The following COL5A2 variants were observed in gnomAD, a reference collection of about 807,000 sequenced individuals.
COL5A2 encodes collagen type V alpha 2 chain.
A neutral mutation model predicts 208.2 loss-of-function variants in COL5A2; 23 were observed. The ratio of observed to expected loss-of-function variants is 0.11; its 90% CI spans 0.08 to 0.16. The LOEUF (loss-of-function observed/expected upper bound fraction) is 0.16, where lower values mean the gene tolerates loss of function less well. Among genes scored for constraint, COL5A2 ranks in the 10% least tolerant of loss-of-function variants. The pLI, the probability that COL5A2 is intolerant of heterozygous loss-of-function variation, is 1.00. For synonymous variants in COL5A2, 625 were observed against 628.5 expected, an observed-to-expected ratio of 0.99 and a Z score of 0.08; for missense variants, 1,590 against 1,956.4, an observed-to-expected ratio of 0.81 and a Z score of 3.53.
chr2:189,106,699 A>G (rs375591357), intron 2 of COL5A2, among the ~76,000 whole-genome samples: 2 of 150,240 alleles, frequency 1.3e-5, no homozygotes, highest in East Asian at 3.9e-4. Flanking sequence ...TGCTTTTAGT[A>G]TTAAGCATAA....
chr2:189,231,158 G>T, the COL5A2 span, among the ~76,000 whole-genome samples: 3 of 149,600 alleles, frequency 2.0e-5, no homozygotes, highest in Non-Finnish European at 4.5e-5. Flanking sequence ...AATGGTGGTT[G>T]CCAGGAGCTA....
At chr2:189,076,204 T>C (rs1486372026) in intron 16 of COL5A2, among the ~76,000 whole-genome samples, 3 of 152,182 alleles carry the variant, frequency 2.0e-5, no homozygotes, top group Admixed American at 6.5e-5. Flanking sequence ...CTGTACTGTA[T>C]ACAAGTCACT....
At chr2:189,085,808 GA>G in intron 9 of COL5A2, 36 bp from the exon 10 acceptor site, 2 of 1,523,354 alleles carry the variant, frequency 1.3e-6, no homozygotes, top group Non-Finnish European at 1.8e-6. Context: ...ACAAACCAAG[GA>G]AAAATAGAAT....
At chr2:189,363,021 G>A in the COL5A2 span, among the ~76,000 whole-genome samples, 3 of 152,048 alleles carry the variant, frequency 2.0e-5, no homozygotes, top group South Asian at 6.2e-4. Flanking sequence ...GACACAAACA[G>A]AAATACAGAA....
chr2:189,157,985 A>C (rs1688287496), intron 1 of COL5A2, among the ~76,000 whole-genome samples: 1 of 151,948 alleles, frequency 6.6e-6, no homozygotes, highest in Admixed American at 6.6e-5. Flanking sequence ...GAAGGTAGAG[A>C]CTGTGTCTTA....
chr2:189,178,983 G>A (rs1688733914), intron 1 of COL5A2, among the ~76,000 whole-genome samples: 1 of 152,062 alleles, frequency 6.6e-6, no homozygotes, highest in Non-Finnish European at 1.5e-5. Flanking sequence ...GTAAAAAGAA[G>A]TTTAAATTGT....
At chr2:189,042,842 G>C (rs527554829) in intron 48 of COL5A2, 69 bp from the exon 49 acceptor site, 1 of 1,442,076 alleles carries the variant, frequency 6.9e-7, no homozygotes, top group African/African-American at 1.4e-5. Context: ...TCTCAAAAAT[G>C]TGCTATCATT....
the COL5A2 span, among the ~76,000 whole-genome samples, chr2:189,430,588 C>T: frequency 1.3e-5 from 2 of 152,248 alleles, no homozygotes; most frequent in Non-Finnish European, 2.9e-5. Flanking sequence ...GCATTGCTCA[C>T]TGCTAGTGCA....
the COL5A2 span, among the ~76,000 whole-genome samples, chr2:189,404,329 G>T: frequency 2.0e-5 from 3 of 152,124 alleles, no homozygotes; most frequent in African/African-American, 7.2e-5. Flanking sequence ...AAAGGCAAAG[G>T]AAAAGCAAAT....
At chr2:189,417,355 T>C in the COL5A2 span, among the ~76,000 whole-genome samples, 4 of 152,146 alleles carry the variant, frequency 2.6e-5, no homozygotes, top group East Asian at 1.9e-4. Context: ...AATTATTCCA[T>C]TTTAATGATA....
chr2:189,353,413 T>G, the COL5A2 span, among the ~76,000 whole-genome samples: 3 of 152,240 alleles, frequency 2.0e-5, no homozygotes, highest in Non-Finnish European at 4.4e-5. Context: ...TGATTCTTCC[T>G]ATCCATGAGC....
chr2:189,054,462 T>C (rs971433716), intron 35 of COL5A2, among the ~76,000 whole-genome samples: 1 of 152,198 alleles, frequency 6.6e-6, no homozygotes, highest in African/African-American at 2.4e-5. Context: ...CATGCATACA[T>C]AAAACTGTTT....
intron 2 of COL5A2, among the ~76,000 whole-genome samples, chr2:189,107,753 G>T (rs1274591787): frequency 6.6e-6 from 1 of 151,402 alleles, no homozygotes; most frequent in African/African-American, 2.4e-5. Context: ...TGTTTAAAAA[G>T]ATTTATATAT....
the COL5A2 span, among the ~76,000 whole-genome samples, chr2:189,344,815 A>C: frequency 6.6e-6 from 1 of 152,232 alleles, no homozygotes; most frequent in Admixed American, 6.5e-5. Context: ...AGAGAGACCA[A>C]GACTCACCTC....
chr2:189,096,001 A>T (rs768500862), intron 6 of COL5A2: 6 of 152,206 alleles, frequency 3.9e-5, no homozygotes, highest in Non-Finnish European at 7.3e-5. Flanking sequence ...GCCTGCAAGT[A>T]ACATCCATAG....
At chr2:189,416,000 T>C in the COL5A2 span, among the ~76,000 whole-genome samples, 359 of 152,326 alleles carry the variant, frequency 2.4e-3, no homozygotes, top group African/African-American at 8.3e-3. Context: ...TAACTGTTTG[T>C]TCCTTTGAAA....
the COL5A2 span, among the ~76,000 whole-genome samples, chr2:189,400,112 G>T: frequency 2.6e-5 from 4 of 152,056 alleles, no homozygotes; most frequent in South Asian, 6.3e-4. Context: ...GATTGGTTTG[G>T]TTTTTTGCTA....
intron 16 of COL5A2, among the ~76,000 whole-genome samples, chr2:189,076,327 G>C (rs147018269): frequency 6.6e-6 from 1 of 152,238 alleles, no homozygotes; most frequent in African/African-American, 2.4e-5. Flanking sequence ...ATTTCCCACT[G>C]GTCAGCTGGT....
At chr2:189,336,729 A>C in the COL5A2 span, among the ~76,000 whole-genome samples, 1 of 152,292 alleles carries the variant, frequency 6.6e-6, no homozygotes, top group South Asian at 2.1e-4. Context: ...GAAGGAACAC[A>C]GGGAGCATTC....
Sources: gnomAD v4.1 joint callset for allele counts (sites outside exome capture counted in the v4.1 genomes callset) on GRCh38, gnomAD v4.1.1 for gene constraint, MANE v1.5 for transcripts, NCBI Gene and HGNC (gene_info 2026-07-23, HGNC 2026-07-21) for gene names.